The following SOX6 variants were observed in gnomAD, a reference collection of about 807,000 sequenced individuals.
The protein encoded by SOX6 is SRY-box transcription factor 6.
SOX6 carries 11 observed loss-of-function variants against 97.8 expected under a neutral mutation model. The ratio of observed to expected loss-of-function variants is 0.11; its 90% confidence interval spans 0.07 to 0.19. The LOEUF is 0.19. Among genes scored for constraint, SOX6 ranks in the 10% least tolerant of loss-of-function variants. SOX6 has a pLI of 1.00. For missense variants in SOX6, 810 were observed against 1,039.5 expected, an observed-to-expected ratio of 0.78 and a Z score of 3.04; for synonymous variants, 360 against 371.4, an observed-to-expected ratio of 0.97 and a Z score of 0.35.
intron 3 of SOX6, among the ~76,000 whole-genome samples, chr11:16,700,084 A>G (rs1319966096): frequency 1.3e-5 from 2 of 152,106 alleles, no homozygotes. Flanking sequence ...ACAAATCACT[A>G]CTATGATACA....
chr11:16,673,768 C>T (rs1157503383), intron 3 of SOX6, among the ~76,000 whole-genome samples: 4 of 152,150 alleles, frequency 2.6e-5, no homozygotes, highest in Admixed American at 2.0e-4. Context: ...AGGCCAGTAT[C>T]ACCCTGATAC....
intron 4 of SOX6, among the ~76,000 whole-genome samples, chr11:16,594,728 T>A (rs1292653362): frequency 7.7e-6 from 1 of 130,632 alleles, no homozygotes; most frequent in African/African-American, 2.9e-5. Context: ...TCTCACTCTG[T>A]CACCCAGGCT....
At chr11:16,617,784 T>C (rs1322085455) in intron 3 of SOX6, among the ~76,000 whole-genome samples, 2 of 151,836 alleles carry the variant, frequency 1.3e-5, no homozygotes, top group Non-Finnish European at 3.0e-5. Flanking sequence ...TACAAAACAT[T>C]TTAAGAGTAC....
At chr11:16,573,717 T>G (rs924366782) in intron 4 of SOX6, among the ~76,000 whole-genome samples, 4 of 152,120 alleles carry the variant, frequency 2.6e-5, no homozygotes, top group Non-Finnish European at 5.9e-5. Context: ...CAATTGAAAA[T>G]ATGACAATTT....
At chr11:16,507,570 T>C (rs1253267736) in intron 4 of SOX6, among the ~76,000 whole-genome samples, 1 of 151,978 alleles carries the variant, frequency 6.6e-6, no homozygotes, top group Non-Finnish European at 1.5e-5. Flanking sequence ...AAAACAGACA[T>C]AGACAAATGG....
intron 1 of SOX6, among the ~76,000 whole-genome samples, chr11:16,446,182 G>T (rs752599187): frequency 1.5e-4 from 23 of 151,900 alleles, no homozygotes; most frequent in Non-Finnish European, 3.1e-4. Flanking sequence ...ATTATTATAA[G>T]GGTTGCATGT....
At chr11:16,673,578 A>G (rs577482848) in intron 3 of SOX6, among the ~76,000 whole-genome samples, 83 of 152,344 alleles carry the variant, frequency 5.4e-4, no homozygotes, top group African/African-American at 1.9e-3. Context: ...GAACAGACTA[A>G]TAACAAGTAA....
chr11:16,394,276 T>G (rs1215405913), intron 1 of SOX6, among the ~76,000 whole-genome samples: 1 of 151,950 alleles, frequency 6.6e-6, no homozygotes, highest in African/African-American at 2.4e-5. Context: ...CATGAAAAAG[T>G]TCACTTGAAA....
intron 3 of SOX6, among the ~76,000 whole-genome samples, chr11:16,664,544 T>G (rs1847790997): frequency 6.6e-6 from 1 of 152,204 alleles, no homozygotes; most frequent in Non-Finnish European, 1.5e-5. Flanking sequence ...AGTCAGAATC[T>G]GAGTTCTGGC....
At chr11:16,229,671 A>AC (rs1172742639) in intron 4 of SOX6, among the ~76,000 whole-genome samples, 5 of 151,990 alleles carry the variant, frequency 3.3e-5, no homozygotes, top group Non-Finnish European at 5.9e-5. Context: ...TGAGATATAC[A>AC]ATTCTGTAAG....
chr11:16,250,273 A>G (rs1397897081), intron 3 of SOX6, among the ~76,000 whole-genome samples: 1 of 87,704 alleles, frequency 1.1e-5, no homozygotes, highest in Admixed American at 1.0e-4. Context: ...ACATAATTGC[A>G]AGCCACGGCC....
At chr11:15,976,326 C>T (rs1321018427) in intron 15 of SOX6, among the ~76,000 whole-genome samples, 4 of 152,142 alleles carry the variant, frequency 2.6e-5, no homozygotes, top group African/African-American at 9.7e-5. Flanking sequence ...CTGTGTGATC[C>T]TGGGCAGGCT....
chr11:16,452,736 T>C (rs1859741937), intron 1 of SOX6, among the ~76,000 whole-genome samples: 1 of 152,138 alleles, frequency 6.6e-6, no homozygotes, highest in Admixed American at 6.6e-5. Context: ...TTTTACATAG[T>C]CATGAGGCAC....
chr11:16,121,736 A>C (rs1381298223), intron 6 of SOX6, among the ~76,000 whole-genome samples: 4 of 152,068 alleles, frequency 2.6e-5, no homozygotes, highest in African/African-American at 9.6e-5. Flanking sequence ...AAAATGGATG[A>C]TAAATGTTAA....
chr11:16,276,547 TA>T (rs1240188304), intron 3 of SOX6, among the ~76,000 whole-genome samples: 1 of 152,042 alleles, frequency 6.6e-6, no homozygotes, highest in Non-Finnish European at 1.5e-5. Context: ...GTCCCCCAAA[TA>T]AAAAAGGTAT....
intron 13 of SOX6, among the ~76,000 whole-genome samples, chr11:15,997,354 G>C (rs1469299687): frequency 6.6e-6 from 1 of 152,128 alleles, no homozygotes; most frequent in East Asian, 1.9e-4. Context: ...AGAGGAAGAA[G>C]GAACACTTCT....
intron 1 of SOX6, chr11:16,465,858 T>C (rs988556080): frequency 5.9e-5 from 9 of 152,194 alleles, no homozygotes; most frequent in African/African-American, 2.2e-4. Flanking sequence ...ACAGTTTGTA[T>C]CCAAAGAAAA....
intron 10 of SOX6, among the ~76,000 whole-genome samples, chr11:16,053,480 A>G (rs1276613366): frequency 6.6e-6 from 1 of 152,140 alleles, no homozygotes; most frequent in East Asian, 1.9e-4. Flanking sequence ...CATCACTACC[A>G]TCACTAACAT....
chr11:16,082,479 C>A (rs1848492635), intron 9 of SOX6, among the ~76,000 whole-genome samples: 1 of 152,182 alleles, frequency 6.6e-6, no homozygotes, highest in Non-Finnish European at 1.5e-5. Context: ...CACTGAGAAG[C>A]AATGTGCTAA....
Sources: gnomAD v4.1 joint callset for allele counts (sites outside exome capture counted in the v4.1 genomes callset) on GRCh38, gnomAD v4.1.1 for gene constraint, MANE v1.5 for transcripts, NCBI Gene and HGNC (gene_info 2026-07-23, HGNC 2026-07-21) for gene names.